TRIM3: variants seen among roughly 807,000 people sequenced by gnomAD.
TRIM3 encodes tripartite motif-containing protein 3.
In TRIM3, 13 loss-of-function variants were observed where a neutral mutation model predicts 66.6. The ratio of observed to expected loss-of-function variants is 0.20; its 90% CI spans 0.13 to 0.31. The LOEUF is 0.31. Among genes scored for constraint, TRIM3 ranks in the 10% least tolerant of loss-of-function variants. The pLI, the probability that TRIM3 is intolerant of heterozygous loss-of-function variation, is 1.00. For missense variants in TRIM3, 711 were observed against 1,020.4 expected (o/e 0.70, Z 4.13); for synonymous variants, 406 against 411.7 (o/e 0.99, Z 0.17).
chr11:6,458,475 A>G lies in TRIM3; in HGVS notation c.132-179T>C, dbSNP rs537799435. Reference sequence around the variant, plus strand: ...AGGTATAATGGCCTTGCCCCTTACAACTGAGTAGGAACACACCCCGACCCC... The same window carrying G: ...AGGTATAATGGCCTTGCCCCTTACAGCTGAGTAGGAACACACCCCGACCCC... On this transcript the variant is annotated intron_variant, in intron 2 of 11. Coordinates refer to ENST00000345851, the MANE Select transcript of TRIM3 (RefSeq NM_033278.4). The surrounding 1 kb of genome is among the most constrained non-coding windows in gnomAD (Gnocchi z 6.2). 46 of 598,208 alleles carry G rather than the reference A, an allele frequency of 7.7e-5. No individual in the cohort carries two copies. In the East Asian group the frequency reaches 1.3e-3, roughly 17 times the overall value. The allele number at this position is 598,208 out of a possible 1,614,324, so 37.1% of individuals were successfully genotyped here. A position where few individuals can be genotyped will look rare whatever the true frequency, so the allele number is the denominator to read the frequency against.
intron 2 of TRIM3, among the ~76,000 whole-genome samples, chr11:6,460,486 G>T (rs1391486908): frequency 2.0e-5 from 3 of 152,136 alleles, no homozygotes; most frequent in Admixed American, 6.5e-5. Context: ...TTGAGGATTG[G>T]GGAGTGCCTC....
chr11:6,456,616 G>T lies in TRIM3; in HGVS notation c.1110C>A (p.Asp370Glu). 1 of 1,612,722 alleles carries T rather than the reference G, an allele frequency of 6.2e-7. No homozygotes were observed. Among genetic ancestry groups the T allele is most frequent in the Non-Finnish European group, 8.5e-7 (1 of 1,179,838 alleles). The change falls in exon 6 of 12, where the codon GAC (aspartate) becomes GAA (glutamate). Residue 370 changes from aspartate (D) to glutamate (E), a missense_variant. Physicochemically the swap from Asp to Glu is conservative, Grantham distance 45. Transcript: ENST00000345851. This position sits in a 1 kb window ranked among gnomAD's most constrained non-coding sequence, Gnocchi z 6.4. ...AELRAEITGP[D>E]GTRLPVPVVD... is the part of the protein sequence containing the mutation. Reference sequence around the variant, plus strand: ...CCACTGGCACCGGAAGGCGCGTGCCGTCCGGGCCGGTGATCTCTGCACGCA... The same window carrying T: ...CCACTGGCACCGGAAGGCGCGTGCCTTCCGGGCCGGTGATCTCTGCACGCA...
Position 6,449,313 on chromosome 11 carries a change from C to T in TRIM3, c.2075G>A (p.Arg692His). The T allele has an allele frequency of 1.2e-6, 2 of 1,613,722 alleles. No homozygotes were observed. The highest frequency in any genetic ancestry group is 1.7e-6 in the Non-Finnish European group (2 of 1,179,710). Reference protein sequence around the residue: ...NIIVADWGNSRIQVFDSSGSF... With the variant: ...NIIVADWGNSHIQVFDSSGSF... ...TTCCCAGGCCTTACTCACCTGGATGCGGCTGTTGCCCCAGTCAGCCACAAT... is the reference window on the plus strand; with the variant it reads ...TTCCCAGGCCTTACTCACCTGGATGTGGCTGTTGCCCCAGTCAGCCACAAT... The change falls in exon 11 of 12, where the codon CGC becomes CAC. Residue 692 changes from arginine to histidine, a missense_variant. Transcript: ENST00000345851. The surrounding 1 kb of genome is among the most constrained non-coding windows in gnomAD (Gnocchi z 5.3).
At chr11:6,472,780 C>T (rs1289418288) in intron 1 of TRIM3, among the ~76,000 whole-genome samples, 1 of 152,194 alleles carries the variant, frequency 6.6e-6, no homozygotes, top group Non-Finnish European at 1.5e-5. Context: ...TATAAGGAAG[C>T]TTTTCCACAG....
rs1261338261 is a variant in TRIM3 at position 6,458,044 on chromosome 11, C to A, written c.363+21G>T. On this transcript the variant is annotated intron_variant, in intron 3 of 11. Transcript: ENST00000345851. This position sits in a 1 kb window ranked among gnomAD's most constrained non-coding sequence, Gnocchi z 6.2. Reference sequence around the variant, plus strand: ...CCTCCCACCCCAAGTCCCGGCCTCACTGGGCCTCGCTTGGGCCCACCTTGC... The same window carrying A: ...CCTCCCACCCCAAGTCCCGGCCTCAATGGGCCTCGCTTGGGCCCACCTTGC... 6.3e-7 allele frequency: 1 copy of A among 1,584,606 alleles called. No homozygotes were observed. Among genetic ancestry groups the A allele is most frequent in the Non-Finnish European group, 8.6e-7 (1 of 1,164,908 alleles).
Position 6,465,575 on chromosome 11 carries a change from A to C in TRIM3, c.121T>G (p.Phe41Val). The change falls in exon 2 of 12, where the codon TTC (phenylalanine) becomes GTC (valine). Residue 41 changes from phenylalanine (F) to valine (V), a missense_variant. Around this residue, in one of 3 missense-constraint regions of TRIM3, gnomAD observed 149 missense variants for 240.3 expected, o/e 0.62. Transcript: ENST00000345851. ...CPKVLPCLHT[F>V]CERCLQNYIP... ...CACACATCCCCTCACCTCTCACAGA[A>C]GGTGTGCAGGCAAGGAAGAACCTTG... The C allele has an allele frequency of 6.2e-7, 1 of 1,614,084 alleles. No individual in the cohort carries two copies. Among genetic ancestry groups the C allele is most frequent in the Non-Finnish European group, 8.5e-7 (1 of 1,180,000 alleles).
intron 2 of TRIM3, among the ~76,000 whole-genome samples, chr11:6,459,200 C>T (rs981674603): frequency 5.3e-5 from 8 of 152,132 alleles, no homozygotes; most frequent in Admixed American, 2.0e-4. Flanking sequence ...ATACAGAAGG[C>T]AGCAAGAAGC....
rs757844231 is a variant in TRIM3 at position 6,458,036 on chromosome 11, C to T, written c.363+29G>A. ...CTCCTCCTCCTCCCACCCCAAGTCC[C>T]GGCCTCACTGGGCCTCGCTTGGGCC... On this transcript the variant is annotated intron_variant, in intron 3 of 11. Transcript: ENST00000345851. This position sits in a 1 kb window ranked among gnomAD's most constrained non-coding sequence, Gnocchi z 6.2. 5.1e-6 allele frequency: 8 copies of T among 1,577,492 alleles called. No homozygotes were observed. The highest frequency in any genetic ancestry group is 1.3e-5 in the African/African-American group (1 of 74,514).
Position 6,449,444 on chromosome 11 carries a change from C to T in TRIM3, c.1944G>A (p.Val648=), listed in dbSNP as rs1564960257. ...VTDFHNHSVK[V]YSADGEFLFK... ...AGAGGAACTCTCCATCGGCACTGTA[C>T]ACCTGGCGGGGGAAGGGGCTAGGGA... Residue 648 remains valine (V), a splice_region_variant and synonymous_variant, in exon 11 of 12, where the codon GTG becomes GTA. Coordinates refer to ENST00000345851, the MANE Select transcript of TRIM3 (RefSeq NM_033278.4). The surrounding 1 kb of genome is among the most constrained non-coding windows in gnomAD (Gnocchi z 5.3). The T allele has an allele frequency of 1.2e-6, 2 of 1,613,190 alleles. No homozygotes were observed. Among genetic ancestry groups the T allele is most frequent in the Admixed American group, 1.7e-5 (1 of 59,954 alleles).
rs558635592 is a variant in TRIM3, at chr11:6,467,318, G to A, written c.-37-1586C>T. ...GGAGTCAGGAAGGGAAATCATTCTAGGCTGAAGAAACAGCATGATAAAGGT... is the reference window on the plus strand; with the variant it reads ...GGAGTCAGGAAGGGAAATCATTCTAAGCTGAAGAAACAGCATGATAAAGGT... On this transcript the variant is annotated intron_variant, in intron 1 of 11. Transcript: ENST00000345851. Among the ~76,000 whole-genome samples, 289 of 152,272 alleles carry A rather than the reference G, an allele frequency of 1.9e-3. 2 individuals carry two copies. Among genetic ancestry groups the A allele is most frequent in the Non-Finnish European group, 3.5e-3 (236 of 68,018 alleles).
At chr11:6,455,789 G>A (rs1849937639) in intron 7 of TRIM3, among the ~76,000 whole-genome samples, 1 of 152,186 alleles carries the variant, frequency 6.6e-6, no homozygotes, top group Admixed American at 6.5e-5. Context: ...GATCTTTGCA[G>A]TCCAGGAGCT....
chr11:6,469,203 C>T (rs760418938), intron 1 of TRIM3, among the ~76,000 whole-genome samples: 9 of 152,130 alleles, frequency 5.9e-5, no homozygotes, highest in Admixed American at 1.3e-4. Flanking sequence ...CTGCTGGGTC[C>T]TGCTGGGGTA....
rs1206675741 is a variant in TRIM3, at chr11:6,458,948, T to C, written c.132-652A>G. 1.3e-5 allele frequency among the ~76,000 whole-genome samples: 2 copies of C among 152,214 alleles called. No homozygotes were observed. Among genetic ancestry groups the C allele is most frequent in the Non-Finnish European group, 2.9e-5 (2 of 68,026 alleles). On this transcript the variant is annotated intron_variant, in intron 2 of 11. Transcript: ENST00000345851. The surrounding 1 kb of genome is among the most constrained non-coding windows in gnomAD (Gnocchi z 6.2). ...TTACATGTAAAGTACTTACTTATAT[T>C]TGAAGAGGATTAAATGTAAAATGCC...
chr11:6,468,034 A>G lies in TRIM3; in HGVS notation c.-37-2302T>C, dbSNP rs534417173. ...CAAGGTGGCTCACATCTGTAATCCC[A>G]GCACTTCGAGAGGCTGAGGAAGGAG... On this transcript the variant is annotated intron_variant, in intron 1 of 11. Transcript: ENST00000345851. 6.6e-5 allele frequency among the ~76,000 whole-genome samples: 10 copies of G among 152,314 alleles called. No individual in the cohort carries two copies. In the East Asian group the frequency reaches 9.7e-4, roughly 15 times the overall value.
chr11:6,455,479 G>C (rs1370817863), intron 7 of TRIM3, among the ~76,000 whole-genome samples: 1 of 152,180 alleles, frequency 6.6e-6, no homozygotes, highest in Non-Finnish European at 1.5e-5. Flanking sequence ...GGAGCTCACA[G>C]TGCAGCAGAA....
At chr11:6,459,269 C>T (rs1850121329) in intron 2 of TRIM3, among the ~76,000 whole-genome samples, 1 of 152,144 alleles carries the variant, frequency 6.6e-6, no homozygotes. Context: ...AGACAAAGTC[C>T]AAGGCAAGGA....
chr11:6,457,078 G>A lies in TRIM3; in HGVS notation c.697-49C>T, dbSNP rs773158681. On this transcript the variant is annotated intron_variant, in intron 5 of 11. Coordinates refer to ENST00000345851, the MANE Select transcript of TRIM3 (RefSeq NM_033278.4). The surrounding 1 kb of genome is among the most constrained non-coding windows in gnomAD (Gnocchi z 4.5). ...GGGTGAGCAGACTGGCACAGGGGGAGTCTCTGTGATTACTGAAGTTGTAGC... is the reference window on the plus strand; with the variant it reads ...GGGTGAGCAGACTGGCACAGGGGGAATCTCTGTGATTACTGAAGTTGTAGC... 1.9e-6 allele frequency: 3 copies of A among 1,553,334 alleles called. No individual in the cohort carries two copies. The highest frequency in any genetic ancestry group is 1.7e-6 in the Non-Finnish European group (2 of 1,151,574).
intron 1 of TRIM3, among the ~76,000 whole-genome samples, chr11:6,466,516 C>T (rs964012986): frequency 6.6e-6 from 1 of 151,852 alleles, no homozygotes; most frequent in Admixed American, 6.6e-5. Flanking sequence ...TTATATTGAC[C>T]AGTGAGGCTT....
At chr11:6,462,435 C>G (rs184205866) in intron 2 of TRIM3, among the ~76,000 whole-genome samples, 9 of 151,910 alleles carry the variant, frequency 5.9e-5, no homozygotes, top group Non-Finnish European at 1.2e-4. Context: ...TAAGATAGAG[C>G]CTCTCTCTGT....
Sources: gnomAD v4.1 joint callset for allele counts (sites outside exome capture counted in the v4.1 genomes callset) on GRCh38, gnomAD v4.1.1 for gene constraint, gnomAD v4.1.1 regional missense constraint, Gnocchi (gnomAD v3.1) non-coding constraint, MANE v1.5 for transcripts, NCBI Gene and HGNC (gene_info 2026-07-23, HGNC 2026-07-21) for gene names.